CNTNAP2: variants seen among roughly 807,000 people sequenced by gnomAD.
CNTNAP2 encodes the protein contactin associated protein 2.
In CNTNAP2, 98 loss-of-function variants were observed where a neutral mutation model predicts 155.2. The ratio of observed to expected loss-of-function variants is 0.63; its 90% CI spans 0.54 to 0.75. CNTNAP2 has a LOEUF of 0.75. Ranked by LOEUF, CNTNAP2 falls within the 30% of genes least tolerant of loss-of-function variation. The pLI, the probability that CNTNAP2 is intolerant of heterozygous loss-of-function variation, is 0.00. For missense variants in CNTNAP2, 1,727 were observed against 1,688.1 expected (o/e 1.02, Z -0.40); for synonymous variants, 651 against 631.2 (o/e 1.03, Z -0.47).
intron 21 of CNTNAP2, among the ~76,000 whole-genome samples, chr7:148,302,627 G>T (rs1036642386): frequency 6.6e-6 from 1 of 152,038 alleles, no homozygotes; most frequent in Non-Finnish European, 1.5e-5. Context: ...CTGTTCTCAG[G>T]ATAGTGAGTG....
chr7:148,090,720 A>G (rs1472739260), intron 15 of CNTNAP2, among the ~76,000 whole-genome samples: 5 of 152,242 alleles, frequency 3.3e-5, no homozygotes, highest in South Asian at 2.1e-4. Flanking sequence ...TAGAGCTACC[A>G]TATGATCCAG....
intron 1 of CNTNAP2, among the ~76,000 whole-genome samples, chr7:146,648,550 A>T (rs915480126): frequency 6.6e-6 from 1 of 152,160 alleles, no homozygotes; most frequent in African/African-American, 2.4e-5. Flanking sequence ...TTATAAATGT[A>T]TGAAGATTTT....
intron 9 of CNTNAP2, among the ~76,000 whole-genome samples, chr7:147,383,294 A>C (rs143175918): frequency 8.5e-5 from 13 of 152,250 alleles, no homozygotes; most frequent in African/African-American, 2.9e-4. Flanking sequence ...GCGGTCTATA[A>C]GTCTGGAAAC....
chr7:147,583,351 T>C (rs1287707423), intron 12 of CNTNAP2, among the ~76,000 whole-genome samples: 2 of 151,892 alleles, frequency 1.3e-5, no homozygotes, highest in Non-Finnish European at 2.9e-5. Flanking sequence ...ATTTTGCTAC[T>C]TCAGTCTGCT....
chr7:146,506,425 A>G (rs1410739470), intron 1 of CNTNAP2, among the ~76,000 whole-genome samples: 1 of 152,172 alleles, frequency 6.6e-6, no homozygotes, highest in Non-Finnish European at 1.5e-5. Context: ...GACCTATTCC[A>G]TTAGTTTACT....
At chr7:147,622,601 A>G (rs1794884292) in intron 12 of CNTNAP2, among the ~76,000 whole-genome samples, 1 of 152,056 alleles carries the variant, frequency 6.6e-6, no homozygotes, top group Non-Finnish European at 1.5e-5. Context: ...TGGAAACACA[A>G]CATACCAAAA....
At chr7:146,474,519 A>G (rs1473254577) in intron 1 of CNTNAP2, among the ~76,000 whole-genome samples, 1 of 151,358 alleles carries the variant, frequency 6.6e-6, no homozygotes, top group African/African-American at 2.4e-5. Context: ...GAGCTTTAGC[A>G]TTGGAGGGAG....
intron 1 of CNTNAP2, among the ~76,000 whole-genome samples, chr7:146,411,035 A>G (rs1271439654): frequency 6.6e-6 from 1 of 152,196 alleles, no homozygotes; most frequent in Non-Finnish European, 1.5e-5. Flanking sequence ...GGGTGATTCT[A>G]TATCTAGGCT....
intron 13 of CNTNAP2, among the ~76,000 whole-genome samples, chr7:147,729,562 C>A (rs139575250): frequency 1.3e-5 from 2 of 150,932 alleles, no homozygotes. Context: ...TGCTTTGAGG[C>A]AAAAAAAATA....
intron 1 of CNTNAP2, among the ~76,000 whole-genome samples, chr7:146,423,537 T>C (rs1161923720): frequency 6.6e-6 from 1 of 152,200 alleles, no homozygotes; most frequent in Non-Finnish European, 1.5e-5. Flanking sequence ...ACCTCATGGA[T>C]AAAGACAGGA....
chr7:147,152,572 C>T (rs146531111), intron 8 of CNTNAP2, among the ~76,000 whole-genome samples: 20 of 151,462 alleles, frequency 1.3e-4, no homozygotes, highest in African/African-American at 4.1e-4. Flanking sequence ...CTTGGTAGTA[C>T]GAAAACAAAA....
intron 4 of CNTNAP2, among the ~76,000 whole-genome samples, chr7:147,101,190 T>A (rs1240787606): frequency 6.6e-6 from 1 of 152,148 alleles, no homozygotes; most frequent in East Asian, 1.9e-4. Context: ...AGGAGCTATA[T>A]CATTGAGGGT....
chr7:146,668,428 CTG>C (rs573459590), intron 1 of CNTNAP2, among the ~76,000 whole-genome samples: 13,655 of 115,158 alleles, frequency 0.12, 846 homozygotes, highest in African/African-American at 0.19. Flanking sequence ...TGTAATTTTC[CTG>C]TGTGTGTGTG....
At chr7:147,025,064 A>G (rs1798878019) in intron 3 of CNTNAP2, among the ~76,000 whole-genome samples, 1 of 151,448 alleles carries the variant, frequency 6.6e-6, no homozygotes, top group South Asian at 2.1e-4. Context: ...CAAGTGGATC[A>G]CTTGAGGTCA....
rs60507060 is a variant in CNTNAP2, at chr7:146,770,317, TACACACACACACACACACAC to T, written c.98-3940_98-3921del. On this transcript the variant is annotated intron_variant, in intron 1 of 23. Transcript: ENST00000361727. ...AATTATATATATATATGTGTGTGTA[TACACACACACACACACACAC>T]ACACACACACACATATACATATAAT... Among the ~76,000 whole-genome samples, 12 of 143,686 alleles carry T rather than the reference TACACACACACACACACACAC, an allele frequency of 8.4e-5. No homozygotes were observed. The East Asian group carries it at 2.5e-3, about 30-fold the overall frequency. 94.3% of individuals were successfully genotyped at this position (143,686 alleles called of 152,430 possible). A position where few individuals can be genotyped will look rare whatever the true frequency, so the allele number is the denominator to read the frequency against.
intron 11 of CNTNAP2, among the ~76,000 whole-genome samples, chr7:147,516,876 T>C (rs1799138522): frequency 1.4e-5 from 2 of 147,466 alleles, no homozygotes; most frequent in Admixed American, 1.4e-4. Context: ...TGCGTGTGTG[T>C]GTGTGTGACA....
intron 9 of CNTNAP2, among the ~76,000 whole-genome samples, chr7:147,309,485 T>A (rs573524409): frequency 5.3e-5 from 8 of 152,252 alleles, no homozygotes; most frequent in Middle Eastern, 3.4e-3. Context: ...TTAGTTAACA[T>A]TTTGTTTTAT....
rs145432657 is a variant in CNTNAP2 at position 148,118,219 on chromosome 7, A to G, written c.2485A>G (p.Thr829Ala). The change falls in exon 16 of 24, where the codon ACA becomes GCA. Residue 829 changes from threonine (T) to alanine (A), a missense_variant. Thr to Ala is a moderately conservative substitution (Grantham distance 58). Coordinates refer to ENST00000361727, the MANE Select transcript of CNTNAP2 (RefSeq NM_014141.6). ...TSADISFYFK[T>A]LTPWGVFLEN... is the part of the protein sequence containing the mutation. ...CGCTGACATTTCTTTCTACTTCAAA[A>G]CATTAACCCCCTGGGGAGTGTTTCT... The G allele has an allele frequency of 2.5e-6, 4 of 1,614,168 alleles. No individual in the cohort carries two copies. The highest frequency in any genetic ancestry group is 3.4e-6 in the Non-Finnish European group (4 of 1,180,016).
chr7:146,924,959 G>C (rs1229865247), intron 3 of CNTNAP2, among the ~76,000 whole-genome samples: 1 of 152,064 alleles, frequency 6.6e-6, no homozygotes, highest in Non-Finnish European at 1.5e-5. Context: ...AATTAAAAAT[G>C]TATGTTTTCT....
Sources: allele counts gnomAD v4.1 joint callset (sites outside exome capture counted in the v4.1 genomes callset), GRCh38; gene constraint gnomAD v4.1.1; transcripts MANE v1.5; gene names NCBI Gene and HGNC (gene_info 2026-07-23, HGNC 2026-07-21).